Variants in FAM110B observed in about 807,000 individuals in gnomAD.
The protein encoded by FAM110B is family with sequence similarity 110 member B.
In FAM110B, 6 loss-of-function variants were observed where a neutral mutation model predicts 20.4. The observed-to-expected ratio is 0.29, with a 90% CI of 0.16 to 0.58. The LOEUF (loss-of-function observed/expected upper bound fraction) is 0.58, where lower values mean the gene tolerates loss of function less well. FAM110B is among the 20% of genes least tolerant of loss of function. The probability of loss-of-function intolerance (pLI) is 0.90; values close to 1 mark genes in which losing one functional copy is unlikely to be tolerated. For synonymous variants in FAM110B, 226 were observed against 214.1 expected, an observed-to-expected ratio of 1.06 and a Z score of -0.49; for missense variants, 434 against 498.2, an observed-to-expected ratio of 0.87 and a Z score of 1.23.
chr8:58,027,630 T>G (rs951354261), intron 1 of FAM110B, among the ~76,000 whole-genome samples: 89 of 152,200 alleles, frequency 5.8e-4, no homozygotes, highest in African/African-American at 2.1e-3. Flanking sequence ...ACTGTGCCAA[T>G]CATTGATGTG....
At chr8:58,064,160 C>G (rs1403192078) in intron 2 of FAM110B, among the ~76,000 whole-genome samples, 8 of 152,130 alleles carry the variant, frequency 5.3e-5, no homozygotes, top group East Asian at 1.9e-4. Flanking sequence ...AACTCCACCC[C>G]CATGATCAAA....
chr8:58,093,093 C>A (rs529696814), intron 3 of FAM110B, among the ~76,000 whole-genome samples: 2 of 151,758 alleles, frequency 1.3e-5, no homozygotes, highest in South Asian at 4.2e-4. Flanking sequence ...TTGATGGGGT[C>A]GTTTGTGGGT....
chr8:58,079,782 TAA>T lies in FAM110B; in HGVS notation c.-325+4169_-325+4170del, dbSNP rs34849809. ...AGTGACAGAGCCAAGACCCTATCTT[TAA>T]AAAAAAAAAGAGTAATTTGACATAT... On this transcript the variant is annotated intron_variant, in intron 3 of 3. Transcript: ENST00000519262. 1.2e-4 allele frequency among the ~76,000 whole-genome samples: 18 copies of T among 146,662 alleles called. No homozygotes were observed. The East Asian group carries it at 3.2e-3, about 26-fold the overall frequency.
At chr8:58,009,255 GT>G (rs1804477988) in intron 1 of FAM110B, among the ~76,000 whole-genome samples, 1 of 152,200 alleles carries the variant, frequency 6.6e-6, no homozygotes, top group East Asian at 1.9e-4. Context: ...TGTTGAAGGA[GT>G]TTGCAGATGG....
intron 1 of FAM110B, among the ~76,000 whole-genome samples, chr8:58,022,952 A>G (rs986038040): frequency 1.3e-5 from 2 of 152,212 alleles, no homozygotes; most frequent in African/African-American, 2.4e-5. Context: ...GTGTCTTTCA[A>G]ACAGATTATA....
chr8:58,102,022 T>C (rs1806790602), intron 3 of FAM110B, among the ~76,000 whole-genome samples: 1 of 152,232 alleles, frequency 6.6e-6, no homozygotes, highest in Non-Finnish European at 1.5e-5. Flanking sequence ...GGAAAGGAAA[T>C]CTTCCATATG....
At chr8:58,115,356 T>G (rs1252885411) in intron 3 of FAM110B, among the ~76,000 whole-genome samples, 1 of 152,012 alleles carries the variant, frequency 6.6e-6, no homozygotes, top group Non-Finnish European at 1.5e-5. Context: ...ACACACACAC[T>G]AGTCAAAAGC....
chr8:58,092,526 G>A (rs1448881981), intron 3 of FAM110B, among the ~76,000 whole-genome samples: 2 of 152,170 alleles, frequency 1.3e-5, no homozygotes, highest in African/African-American at 4.8e-5. Flanking sequence ...TTAGTTCACT[G>A]AGATTGATAG....
intron 2 of FAM110B, among the ~76,000 whole-genome samples, chr8:58,065,431 C>T (rs1228239301): frequency 1.3e-5 from 2 of 152,158 alleles, no homozygotes; most frequent in Non-Finnish European, 2.9e-5. Flanking sequence ...GAGGTAAACA[C>T]TTTCATAACC....
chr8:58,036,759 C>G (rs934195286), intron 2 of FAM110B, among the ~76,000 whole-genome samples: 3 of 152,200 alleles, frequency 2.0e-5, no homozygotes, highest in Non-Finnish European at 4.4e-5. Context: ...ATTGAGTTTG[C>G]TTCCTTATTT....
chr8:58,106,166 T>C (rs1368606228), intron 3 of FAM110B: 1 of 152,198 alleles, frequency 6.6e-6, no homozygotes, highest in Non-Finnish European at 1.5e-5. Flanking sequence ...CAAATCTTAG[T>C]TACCATAGTA....
At chr8:58,014,666 A>T (rs1486883394) in intron 1 of FAM110B, among the ~76,000 whole-genome samples, 2 of 152,214 alleles carry the variant, frequency 1.3e-5, no homozygotes, top group Non-Finnish European at 1.5e-5. Context: ...CTGTTTAATA[A>T]GTCACATACA....
chr8:58,059,068 T>C (rs961827920), intron 2 of FAM110B, among the ~76,000 whole-genome samples: 1 of 152,182 alleles, frequency 6.6e-6, no homozygotes, highest in African/African-American at 2.4e-5. Context: ...CATTGGTTCC[T>C]GTCACTTAGT....
intron 3 of FAM110B, among the ~76,000 whole-genome samples, chr8:58,104,510 A>T (rs1806862401): frequency 6.6e-6 from 1 of 152,192 alleles, no homozygotes; most frequent in Non-Finnish European, 1.5e-5. Flanking sequence ...ATGACATATG[A>T]AATAAATTGT....
At chr8:58,021,533 G>A (rs1484740367) in intron 1 of FAM110B, among the ~76,000 whole-genome samples, 1 of 152,062 alleles carries the variant, frequency 6.6e-6, no homozygotes, top group African/African-American at 2.4e-5. Flanking sequence ...ATTATTTACT[G>A]TTTCATGTAC....
intron 3 of FAM110B, among the ~76,000 whole-genome samples, chr8:58,114,101 GAACA>G (rs1277677170): frequency 6.6e-6 from 1 of 152,098 alleles, no homozygotes; most frequent in East Asian, 1.9e-4. Flanking sequence ...TTAAGAGAAA[GAACA>G]ATCACTCAAG....
chr8:58,119,511 T>C (rs763489632), intron 3 of FAM110B, among the ~76,000 whole-genome samples: 9 of 152,228 alleles, frequency 5.9e-5, no homozygotes, highest in Non-Finnish European at 1.2e-4. Flanking sequence ...GGGTTAGGTT[T>C]CAACATGGGA....
At chr8:58,039,025 C>G (rs923671800) in intron 2 of FAM110B, among the ~76,000 whole-genome samples, 2 of 152,198 alleles carry the variant, frequency 1.3e-5, no homozygotes, top group Non-Finnish European at 1.5e-5. Flanking sequence ...TATCTGATCC[C>G]ATATTTCTTT....
At chr8:58,063,416 A>G (rs1412733515) in intron 2 of FAM110B, among the ~76,000 whole-genome samples, 2 of 152,164 alleles carry the variant, frequency 1.3e-5, no homozygotes, top group Non-Finnish European at 2.9e-5. Context: ...TCAAAGAGAT[A>G]CAGCATATGT....
Sources: allele counts gnomAD v4.1 joint callset (sites outside exome capture counted in the v4.1 genomes callset), GRCh38; gene constraint gnomAD v4.1.1; transcripts MANE v1.5; gene names NCBI Gene and HGNC (gene_info 2026-07-23, HGNC 2026-07-21).